Variants in FAF1 observed in about 807,000 individuals in gnomAD.
The protein encoded by FAF1 is Fas associated factor 1.
In FAF1, 25 loss-of-function variants were observed where a neutral mutation model predicts 92.5. The ratio of observed to expected loss-of-function variants is 0.27; its 90% CI spans 0.20 to 0.38. The LOEUF is 0.38. Among genes scored for constraint, FAF1 ranks in the 10% least tolerant of loss-of-function variants. The pLI, the probability that FAF1 is intolerant of heterozygous loss-of-function variation, is 1.00. For synonymous variants in FAF1, 234 were observed against 273.2 expected, an observed-to-expected ratio of 0.86 and a Z score of 1.42; for missense variants, 636 against 793.3, an observed-to-expected ratio of 0.80 and a Z score of 2.38.
rs547279489 is a variant in FAF1, at chr1:50,953,124, G to C, written c.45+6643C>G. 2.8e-3 allele frequency among the ~76,000 whole-genome samples: 420 copies of C among 152,268 alleles called. 1 individual carries two copies. The highest frequency in any genetic ancestry group is 4.8e-3 in the Non-Finnish European group (324 of 68,014). ...TCCCGTGCTCTCTGAAACATGTGCT[G>C]TGTCCACTCAGGGTTAAATGGATTA... On this transcript the variant is annotated intron_variant, in intron 1 of 18. Coordinates refer to ENST00000396153, the MANE Select transcript of FAF1 (RefSeq NM_007051.3).
intron 12 of FAF1, among the ~76,000 whole-genome samples, chr1:50,571,560 A>G (rs1449636953): frequency 6.6e-6 from 1 of 152,242 alleles, no homozygotes; most frequent in Non-Finnish European, 1.5e-5. Flanking sequence ...CAAGAGAAAT[A>G]ATGGCCATGA....
intron 4 of FAF1, among the ~76,000 whole-genome samples, chr1:50,764,277 CA>C (rs1272257250): frequency 6.6e-6 from 1 of 152,090 alleles, no homozygotes; most frequent in Non-Finnish European, 1.5e-5. Context: ...CTGTGTGCGA[CA>C]AAGTCTTTTT....
At chr1:50,668,948 C>T (rs1010551611) in intron 7 of FAF1, among the ~76,000 whole-genome samples, 1 of 152,138 alleles carries the variant, frequency 6.6e-6, no homozygotes, top group Non-Finnish European at 1.5e-5. Flanking sequence ...AAAGCTATTC[C>T]TTAGCTCATC....
intron 7 of FAF1, among the ~76,000 whole-genome samples, chr1:50,703,032 T>TA (rs922768626): frequency 6.6e-5 from 10 of 151,758 alleles, no homozygotes; most frequent in African/African-American, 2.4e-4. Context: ...TAAAATACAC[T>TA]AAAAAAATGA....
chr1:50,595,012 C>A (rs767489009), intron 9 of FAF1, among the ~76,000 whole-genome samples: 1 of 151,862 alleles, frequency 6.6e-6, no homozygotes, highest in African/African-American at 2.4e-5. Flanking sequence ...AACACTATCA[C>A]TGCATTTTTT....
At chr1:50,775,145 A>G (rs1402810486) in intron 4 of FAF1, among the ~76,000 whole-genome samples, 2 of 152,164 alleles carry the variant, frequency 1.3e-5, no homozygotes, top group Non-Finnish European at 2.9e-5. Context: ...GAAATGAGTT[A>G]TATCTATAAT....
chr1:50,442,776 C>T (rs770193466), intron 18 of FAF1, among the ~76,000 whole-genome samples: 1 of 152,080 alleles, frequency 6.6e-6, no homozygotes, highest in Non-Finnish European at 1.5e-5. Flanking sequence ...GGCAGGCTGG[C>T]AAGGGGAAGG....
intron 15 of FAF1, 37 bp from the exon 16 acceptor site, chr1:50,491,838 ACTTTTTTTTG>A: frequency 1.3e-6 from 2 of 1,488,568 alleles, no homozygotes; most frequent in Non-Finnish European, 1.8e-6. Flanking sequence ...TTGACATATA[ACTTTTTTTTG>A]AAAAAAAAGA....
chr1:50,458,003 C>T lies in FAF1; in HGVS notation c.1870-16480G>A, dbSNP rs1050001956. Among the ~76,000 whole-genome samples, 7 of 151,612 alleles carry T rather than the reference C, an allele frequency of 4.6e-5. No homozygotes were observed. In the East Asian group the frequency reaches 5.8e-4, roughly 13 times the overall value. Reference sequence around the variant, plus strand: ...CTGAGGTGGGTGGATCATCTGAGGTCGGGAGTTCAAAACCAGCTTGACCAA... The same window carrying T: ...CTGAGGTGGGTGGATCATCTGAGGTTGGGAGTTCAAAACCAGCTTGACCAA... On this transcript the variant is annotated intron_variant, in intron 18 of 18. Coordinates refer to ENST00000396153, the MANE Select transcript of FAF1 (RefSeq NM_007051.3).
intron 13 of FAF1, 94 bp from the exon 14 acceptor site, chr1:50,539,822 T>C: frequency 2.3e-6 from 2 of 874,980 alleles, no homozygotes; most frequent in Non-Finnish European, 3.6e-6. Context: ...ATTAGTTATG[T>C]TAAATTAGAC....
chr1:50,832,409 C>T (rs1644162672), intron 2 of FAF1, among the ~76,000 whole-genome samples: 1 of 152,186 alleles, frequency 6.6e-6, no homozygotes, highest in African/African-American at 2.4e-5. Flanking sequence ...GACTTAGTAT[C>T]AACTTTGATA....
At chr1:50,841,755 A>T (rs1027436847) in intron 2 of FAF1, among the ~76,000 whole-genome samples, 15 of 151,914 alleles carry the variant, frequency 9.9e-5, no homozygotes, top group African/African-American at 3.1e-4. Context: ...AGATAGTAAA[A>T]TTTTTTTTAA....
chr1:50,654,383 A>G (rs1655009971), intron 8 of FAF1, among the ~76,000 whole-genome samples: 1 of 152,170 alleles, frequency 6.6e-6, no homozygotes, highest in Non-Finnish European at 1.5e-5. Flanking sequence ...TTTTAAAAAA[A>G]CTTAGGTATC....
intron 18 of FAF1, among the ~76,000 whole-genome samples, chr1:50,447,347 G>C (rs1572747297): frequency 6.6e-6 from 1 of 151,928 alleles, no homozygotes; most frequent in African/African-American, 2.4e-5. Flanking sequence ...GGATGGTCTC[G>C]ATCTCCTGAC....
At chr1:50,594,922 C>A in intron 9 of FAF1, among the ~76,000 whole-genome samples, 1 of 150,940 alleles carries the variant, frequency 6.6e-6, no homozygotes, top group Non-Finnish European at 1.5e-5. Context: ...CTCACTTAGA[C>A]CCAAATAGGC....
intron 6 of FAF1, among the ~76,000 whole-genome samples, chr1:50,710,422 T>C (rs1271811310): frequency 1.3e-5 from 2 of 152,200 alleles, no homozygotes; most frequent in African/African-American, 2.4e-5. Context: ...TCCGTTTCAC[T>C]ACTTGCTAGT....
intron 2 of FAF1, among the ~76,000 whole-genome samples, chr1:50,852,043 AT>A (rs1228098024): frequency 6.6e-6 from 1 of 152,204 alleles, no homozygotes; most frequent in Non-Finnish European, 1.5e-5. Context: ...CTTTCCTTAT[AT>A]AGAATGGCAC....
intron 2 of FAF1, among the ~76,000 whole-genome samples, chr1:50,825,713 T>C (rs144623728): frequency 2.0e-5 from 3 of 152,136 alleles, no homozygotes; most frequent in African/African-American, 4.8e-5. Flanking sequence ...AAATCCAGAC[T>C]AGGCATTCTT....
At chr1:50,480,314 T>C (rs1646685803) in intron 17 of FAF1, among the ~76,000 whole-genome samples, 2 of 152,176 alleles carry the variant, frequency 1.3e-5, no homozygotes, top group African/African-American at 4.8e-5. Context: ...CTTACAACAG[T>C]CTCTTACAAT....
Sources: allele counts gnomAD v4.1 joint callset (sites outside exome capture counted in the v4.1 genomes callset), GRCh38; gene constraint gnomAD v4.1.1; transcripts MANE v1.5; gene names NCBI Gene and HGNC (gene_info 2026-07-23, HGNC 2026-07-21).